The following PAPPA2 variants were observed in gnomAD, a reference collection of about 807,000 sequenced individuals.
PAPPA2 encodes pappalysin 2.
A neutral mutation model predicts 176.4 loss-of-function variants in PAPPA2; 86 were observed. The ratio of observed to expected loss-of-function variants is 0.49; its 90% confidence interval spans 0.41 to 0.58. The LOEUF (loss-of-function observed/expected upper bound fraction) is 0.58, where lower values mean the gene tolerates loss of function less well. PAPPA2 is among the 20% of genes least tolerant of loss of function. The probability of loss-of-function intolerance (pLI) is 0.00; values close to 1 mark genes in which losing one functional copy is unlikely to be tolerated. For synonymous variants in PAPPA2, 809 were observed against 852.2 expected (o/e 0.95, Z 0.88); for missense variants, 2,073 against 2,256.9 (o/e 0.92, Z 1.65).
At chr1:176,700,831 C>T (rs2102820468) in intron 8 of PAPPA2, among the ~76,000 whole-genome samples, 1 of 152,192 alleles carries the variant, frequency 6.6e-6, no homozygotes, top group Non-Finnish European at 1.5e-5. Flanking sequence ...GGCAGTCTAC[C>T]ATAGCTACAG....
chr1:176,666,557 ATATATGTG>A (rs1658651156), intron 3 of PAPPA2, among the ~76,000 whole-genome samples: 1 of 127,572 alleles, frequency 7.8e-6, no homozygotes, highest in Admixed American at 8.2e-5. Context: ...GGAAGTAAAT[ATATATGTG>A]TGTGTGTGTG....
At chr1:176,705,516 GA>G (rs904888132) in intron 9 of PAPPA2, among the ~76,000 whole-genome samples, 4 of 151,998 alleles carry the variant, frequency 2.6e-5, no homozygotes, top group Admixed American at 1.3e-4. Flanking sequence ...TTTTGAGCAT[GA>G]AAAAAGTCAA....
intron 21 of PAPPA2, among the ~76,000 whole-genome samples, chr1:176,811,868 A>C (rs1280398400): frequency 6.6e-6 from 1 of 152,142 alleles, no homozygotes; most frequent in African/African-American, 2.4e-5. Context: ...CTAGGTTTTC[A>C]TTTTGAAAGC....
At position 176,729,963 on chromosome 1, in the gene PAPPA2, A is replaced by AT. The variant is rs200059557; in HGVS notation, c.3799-9658dup. Among the ~76,000 whole-genome samples the AT allele has an allele frequency of 1.4e-3, 207 of 151,324 alleles. 1 individual carries two copies. Among genetic ancestry groups the AT allele is most frequent in the African/African-American group, 4.3e-3 (177 of 41,240 alleles). On this transcript the variant is annotated intron_variant, in intron 12 of 22. Transcript: ENST00000367662. ...TAATTATGTTAAATAGCCTTGGTAG[A>AT]TTTTTCTTTTTAGTTGTCAAATCAT...
chr1:176,530,827 G>C (rs564464055), intron 1 of PAPPA2, among the ~76,000 whole-genome samples: 1 of 152,284 alleles, frequency 6.6e-6, no homozygotes, highest in African/African-American at 2.4e-5. Context: ...TAGAGATGGG[G>C]GTTGAATTGG....
At chr1:176,501,843 C>T (rs907381858) in intron 1 of PAPPA2, among the ~76,000 whole-genome samples, 5 of 152,204 alleles carry the variant, frequency 3.3e-5, no homozygotes, top group East Asian at 1.9e-4. Context: ...AGCGAGTCAC[C>T]GTGGTGATGC....
rs761050456 is a variant in PAPPA2, at chr1:176,595,453, C to G, written c.1849C>G (p.Arg617Gly). 2 of 1,614,060 alleles carry G rather than the reference C, an allele frequency of 1.2e-6. No homozygotes were observed. Among genetic ancestry groups the G allele is most frequent in the African/African-American group, 1.3e-5 (1 of 74,918 alleles). ...TGGGGGTGACTGCCGCCTGCAGGGC[C>G]GCTGCTACTCCTGGAACCGCAGGGA... ...YDGGDCRLQGRCYSWNRRDGL... is the reference protein window; with the variant it reads ...YDGGDCRLQGGCYSWNRRDGL... The change falls in exon 3 of 23, where the codon CGC becomes GGC. Residue 617 changes from arginine to glycine, a missense_variant. Arg to Gly is a moderately radical substitution (Grantham distance 125). Transcript: ENST00000367662.
chr1:176,528,822 G>A (rs935022402), intron 1 of PAPPA2, among the ~76,000 whole-genome samples: 7 of 152,104 alleles, frequency 4.6e-5, no homozygotes, highest in African/African-American at 1.7e-4. Flanking sequence ...CCCACCATGT[G>A]TGTCTACTTT....
intron 2 of PAPPA2, among the ~76,000 whole-genome samples, chr1:176,562,289 G>A (rs930664008): frequency 2.6e-5 from 4 of 152,134 alleles, no homozygotes; most frequent in Admixed American, 1.3e-4. Context: ...CTCCCAATAA[G>A]GGAGGTTTGT....
Position 176,840,051 on chromosome 1 carries a change from C to T in PAPPA2, c.5203-122C>T, listed in dbSNP as rs1211427597. The T allele has an allele frequency of 3.4e-5, 25 of 744,300 alleles. No homozygotes were observed. The East Asian group carries it at 6.0e-4, about 18-fold the overall frequency. 46.1% of individuals were successfully genotyped at this position (744,300 alleles called of 1,614,324 possible). On this transcript the variant is annotated intron_variant, in intron 21 of 22. Coordinates refer to ENST00000367662, the MANE Select transcript of PAPPA2 (RefSeq NM_020318.3). The stretch of plus-strand genomic sequence containing the variant: ...TATTAGGTCAATTTGTGTCCTGCAC[C>T]TTGGGTGCTTTTCTGTAATATCTCT...
At chr1:176,601,220 A>G (rs559996439) in intron 3 of PAPPA2, among the ~76,000 whole-genome samples, 1 of 152,298 alleles carries the variant, frequency 6.6e-6, no homozygotes, top group South Asian at 2.1e-4. Context: ...CAATGTGATG[A>G]TGAAGCAAGA....
At chr1:176,830,586 T>C (rs1227793332) in intron 21 of PAPPA2, among the ~76,000 whole-genome samples, 1 of 152,174 alleles carries the variant, frequency 6.6e-6, no homozygotes, top group Non-Finnish European at 1.5e-5. Context: ...GGATATTCCC[T>C]AAACAAATGA....
At chr1:176,768,029 C>T (rs1024428013) in intron 15 of PAPPA2, among the ~76,000 whole-genome samples, 5 of 152,198 alleles carry the variant, frequency 3.3e-5, no homozygotes, top group East Asian at 3.9e-4. Flanking sequence ...GTGCCTTCAG[C>T]GGTCATTGTA....
rs1322260361 is a variant in PAPPA2, at chr1:176,556,603, G to T, written c.281G>T (p.Arg94Leu). ...VGEQEIHHTG[R>L]SKPDTEGNAV... ...GAGCAAGAAATCCATCATACAGGAC[G>T]CAGCAAACCAGACACTGAAGGAAAT... is the stretch of plus-strand genomic sequence containing the variant. The change falls in exon 2 of 23, where the codon CGC becomes CTC. Residue 94 changes from arginine to leucine, a missense_variant. By Grantham distance (102) the Arg-to-Leu change is moderately radical (BLOSUM62 -2). Coordinates refer to ENST00000367662, the MANE Select transcript of PAPPA2 (RefSeq NM_020318.3). 5 of 1,614,058 alleles carry T rather than the reference G, an allele frequency of 3.1e-6. No individual in the cohort carries two copies. Among genetic ancestry groups the T allele is most frequent in the Middle Eastern group, 1.6e-4 (1 of 6,084 alleles).
chr1:176,620,537 G>A (rs1055924387), intron 3 of PAPPA2, among the ~76,000 whole-genome samples: 1 of 152,082 alleles, frequency 6.6e-6, no homozygotes, highest in African/African-American at 2.4e-5. Flanking sequence ...TTTAGGCTTT[G>A]CAGACCTTAC....
chr1:176,624,127 G>T (rs1304434071), intron 3 of PAPPA2, among the ~76,000 whole-genome samples: 6 of 152,116 alleles, frequency 3.9e-5, no homozygotes, highest in Non-Finnish European at 8.8e-5. Context: ...AAAATATACA[G>T]AATTCTTGGG....
At chr1:176,712,198 A>G (rs928305920) in intron 12 of PAPPA2, among the ~76,000 whole-genome samples, 27 of 152,302 alleles carry the variant, frequency 1.8e-4, no homozygotes, top group African/African-American at 6.0e-4. Context: ...AAAGTGTAAC[A>G]TACACACGGA....
At chr1:176,594,428 G>T in intron 2 of PAPPA2, 96 bp from the exon 3 acceptor site, 2 of 1,049,192 alleles carry the variant, frequency 1.9e-6, no homozygotes, top group East Asian at 2.6e-5. Context: ...TTAAAAACCT[G>T]CATTCTTGTT....
rs1302877289 is a variant in PAPPA2, at chr1:176,843,263, C to T, written c.*809C>T. On this transcript the variant is annotated 3_prime_UTR_variant, in exon 23 of 23. Coordinates refer to ENST00000367662, the MANE Select transcript of PAPPA2 (RefSeq NM_020318.3). ...TTTTTTTTATGACCTGGGAGCTGGG[C>T]CCATTTTATGACCAAGGAGATGGGG... 2.6e-5 allele frequency: 4 copies of T among 151,806 alleles called. No individual in the cohort carries two copies. Among genetic ancestry groups the T allele is most frequent in the African/African-American group, 4.8e-5 (2 of 41,262 alleles). 9.4% of individuals were successfully genotyped at this position (151,806 alleles called of 1,614,324 possible). A position where few individuals can be genotyped will look rare whatever the true frequency, so the allele number is the denominator to read the frequency against.
Sources: gnomAD v4.1 joint callset for allele counts (sites outside exome capture counted in the v4.1 genomes callset) on GRCh38, gnomAD v4.1.1 for gene constraint, MANE v1.5 for transcripts, NCBI Gene and HGNC (gene_info 2026-07-23, HGNC 2026-07-21) for gene names.